Variants in RBFOX1 observed in about 807,000 individuals in gnomAD.
RBFOX1 encodes the protein RNA binding protein fox-1 homolog 1.
Under a neutral mutation model 57.7 loss-of-function variants are expected in RBFOX1, and 8 were observed. The observed-to-expected ratio is 0.14, with a 90% CI of 0.08 to 0.25. The LOEUF (loss-of-function observed/expected upper bound fraction) is 0.25, where lower values mean the gene tolerates loss of function less well. Ranked by LOEUF, RBFOX1 falls within the 10% of genes least tolerant of loss-of-function variation. RBFOX1 has a pLI of 1.00. For missense variants in RBFOX1, 611 were observed against 548.5 expected (o/e 1.11, Z -1.14); for synonymous variants, 326 against 222.4 (o/e 1.47, Z -4.15).
At chr16:5,999,521 G>C (rs2060550132) in intron 4 of RBFOX1, among the ~76,000 whole-genome samples, 1 of 152,138 alleles carries the variant, frequency 6.6e-6, no homozygotes, top group African/African-American at 2.4e-5. Flanking sequence ...TTATAAAGAG[G>C]TGTAACGCCA....
intron 3 of RBFOX1, among the ~76,000 whole-genome samples, chr16:5,846,131 A>AAGATCGTG (rs1461332815): frequency 6.6e-6 from 1 of 151,902 alleles, no homozygotes; most frequent in African/African-American, 2.4e-5. Context: ...GCAGTGAGCC[A>AAGATCGTG]AGATCGTGCC....
At chr16:6,133,374 G>C (rs1208058230) in intron 1 of RBFOX1, among the ~76,000 whole-genome samples, 1 of 152,144 alleles carries the variant, frequency 6.6e-6, no homozygotes, top group Non-Finnish European at 1.5e-5. Flanking sequence ...TGCCTATCAG[G>C]CATGTGGCTG....
chr16:6,233,767 C>T (rs1267163610), intron 1 of RBFOX1, among the ~76,000 whole-genome samples: 1 of 152,052 alleles, frequency 6.6e-6, no homozygotes, highest in Non-Finnish European at 1.5e-5. Flanking sequence ...AGCCACCATG[C>T]CCATCCCAAC....
At chr16:7,375,341 C>T (rs1227033484) in intron 4 of RBFOX1, among the ~76,000 whole-genome samples, 1 of 152,082 alleles carries the variant, frequency 6.6e-6, no homozygotes, top group Non-Finnish European at 1.5e-5. Flanking sequence ...GTTTTTGCTT[C>T]TGATAATTAT....
intron 8 of RBFOX1, among the ~76,000 whole-genome samples, chr16:7,596,151 G>A (rs572475473): frequency 2.2e-4 from 16 of 72,410 alleles, no homozygotes; most frequent in South Asian, 2.0e-3. Flanking sequence ...AAAAAAACGA[G>A]AGGTTTTTAC....
At chr16:7,065,998 A>C (rs1568619336) in intron 4 of RBFOX1, among the ~76,000 whole-genome samples, 1 of 144,570 alleles carries the variant, frequency 6.9e-6, no homozygotes, top group Non-Finnish European at 1.5e-5. Flanking sequence ...AAATAACAAC[A>C]AAAAAAAACT....
chr16:6,653,936 T>A (rs938729468), intron 2 of RBFOX1, among the ~76,000 whole-genome samples: 12 of 143,282 alleles, frequency 8.4e-5, no homozygotes, highest in Admixed American at 2.1e-4. Context: ...AGATGATTGA[T>A]GGATAGAGGG....
chr16:6,973,282 T>C (rs983430140), intron 3 of RBFOX1, among the ~76,000 whole-genome samples: 4 of 152,210 alleles, frequency 2.6e-5, no homozygotes, highest in African/African-American at 9.7e-5. Flanking sequence ...ATCAAGTTGA[T>C]GCATTTTCTT....
At chr16:5,483,665 G>C (rs992544488) in intron 2 of RBFOX1, among the ~76,000 whole-genome samples, 1 of 152,110 alleles carries the variant, frequency 6.6e-6, no homozygotes, top group Non-Finnish European at 1.5e-5. Flanking sequence ...GCTGAAATTC[G>C]CCTTCTGATC....
chr16:7,409,021 T>G (rs1016278782), intron 4 of RBFOX1, among the ~76,000 whole-genome samples: 3 of 152,214 alleles, frequency 2.0e-5, no homozygotes, highest in African/African-American at 7.2e-5. Context: ...TCTCCTGGGC[T>G]GGGCTTTTCT....
At chr16:5,385,851 C>T (rs2066241540) in intron 1 of RBFOX1, among the ~76,000 whole-genome samples, 1 of 152,178 alleles carries the variant, frequency 6.6e-6, no homozygotes, top group Non-Finnish European at 1.5e-5. Context: ...GTGAATGCAA[C>T]TGATATAATG....
chr16:5,625,265 G>A (rs534714940), intron 3 of RBFOX1, among the ~76,000 whole-genome samples: 2 of 152,062 alleles, frequency 1.3e-5, no homozygotes, highest in South Asian at 4.2e-4. Flanking sequence ...GGCGTGGTAG[G>A]GGCGTAGGAA....
intron 5 of RBFOX1, among the ~76,000 whole-genome samples, chr16:7,543,845 C>T (rs1484041038): frequency 2.6e-5 from 4 of 152,142 alleles, no homozygotes; most frequent in Admixed American, 6.5e-5. Context: ...CTCACTCTCC[C>T]GAGTAGCTGG....
chr16:7,704,349 C>G (rs765482828), intron 14 of RBFOX1, among the ~76,000 whole-genome samples: 1 of 152,182 alleles, frequency 6.6e-6, no homozygotes, highest in East Asian at 1.9e-4. Context: ...TTTATGGCAA[C>G]TTGGCCAGTG....
chr16:6,066,219 G>C (rs374569269), intron 1 of RBFOX1, among the ~76,000 whole-genome samples: 5 of 149,588 alleles, frequency 3.3e-5, no homozygotes, highest in Middle Eastern at 3.4e-3. Flanking sequence ...GCTTGAACTG[G>C]GGGGGTTGGA....
Position 5,947,572 on chromosome 16 carries a change from A to G in RBFOX1, c.351+80237A>G, listed in dbSNP as rs755343249. On this transcript the variant is annotated intron_variant, in intron 4 of 19. Transcript: ENST00000641259. The surrounding 1 kb of genome is among the most constrained non-coding windows in gnomAD (Gnocchi z 7.2). ...TCCTAGCCCCAAGCAATTCTCACAT[A>G]TCAGCCTCCCAAAGTGCTGGGATTA... is the stretch of plus-strand genomic sequence containing the variant. Among the ~76,000 whole-genome samples, 1 of 152,092 alleles carries G rather than the reference A, an allele frequency of 6.6e-6. No homozygotes were observed. The highest frequency in any genetic ancestry group is 1.5e-5 in the Non-Finnish European group (1 of 68,018).
intron 2 of RBFOX1, among the ~76,000 whole-genome samples, chr16:6,513,799 G>T (rs11866758): frequency 2.0e-5 from 3 of 152,126 alleles, no homozygotes; most frequent in African/African-American, 7.2e-5. Context: ...TCTTGTTTCT[G>T]TGGCCACTGC....
intron 3 of RBFOX1, among the ~76,000 whole-genome samples, chr16:6,775,329 CAAAAAA>C (rs371277644): frequency 1.2e-4 from 8 of 67,328 alleles, no homozygotes; most frequent in Admixed American, 1.9e-4. Flanking sequence ...GACTCTGTCT[CAAAAAA>C]AAAAAAAAAA....
chr16:7,550,540 G>C (rs2086042118), intron 5 of RBFOX1, among the ~76,000 whole-genome samples: 1 of 152,028 alleles, frequency 6.6e-6, no homozygotes, highest in Admixed American at 6.6e-5. Flanking sequence ...TCACTCTACA[G>C]GGCATCTTAT....
Sources: gnomAD v4.1 joint callset for allele counts (sites outside exome capture counted in the v4.1 genomes callset) on GRCh38, gnomAD v4.1.1 for gene constraint, Gnocchi (gnomAD v3.1) non-coding constraint, MANE v1.5 for transcripts, NCBI Gene and HGNC (gene_info 2026-07-23, HGNC 2026-07-21) for gene names.